The following ABCA5 variants were observed in gnomAD, a reference collection of about 807,000 sequenced individuals.
ABCA5 encodes cholesterol transporter ABCA5.
ABCA5 carries 163 observed loss-of-function variants against 206.0 expected under a neutral mutation model. The ratio of observed to expected loss-of-function variants is 0.79; its 90% confidence interval spans 0.70 to 0.90. The LOEUF (loss-of-function observed/expected upper bound fraction) is 0.90. ABCA5 is among the 40% of genes least tolerant of loss of function. ABCA5 has a pLI of 0.00. For missense variants in ABCA5, 1,859 were observed against 1,912.9 expected (o/e 0.97, Z 0.53); for synonymous variants, 609 against 613.8 (o/e 0.99, Z 0.11).
intron 28 of ABCA5, among the ~76,000 whole-genome samples, chr17:69,258,695 A>T (rs536774887): frequency 6.6e-6 from 1 of 151,932 alleles, no homozygotes; most frequent in African/African-American, 2.4e-5. Flanking sequence ...AATCTAAAAT[A>T]TTTTTTTTAA....
At position 69,271,173 on chromosome 17, in the gene ABCA5, G is replaced by C. The variant is rs539979750; in HGVS notation, c.2881C>G (p.His961Asp). ...TGCATTCATCTTACCTTTTCTGAAT[G>C]CATCACATTTAAAGCCGCACTATGG... The part of the protein sequence containing the change: ...APHSAALNVM[H>D]SEKDYVFAAV... The change falls in exon 21 of 39, where the codon CAT (histidine) becomes GAT (aspartate). Residue 961 changes from histidine to aspartate, a missense_variant. By Grantham distance (81) the His-to-Asp change is moderately conservative. Transcript: ENST00000392676. 6.2e-7 allele frequency: 1 copy of C among 1,611,174 alleles called. No individual in the cohort carries two copies. Among genetic ancestry groups the C allele is most frequent in the South Asian group, 1.1e-5 (1 of 90,310 alleles).
intron 18 of ABCA5, among the ~76,000 whole-genome samples, chr17:69,280,979 G>A (rs994480636): frequency 1.1e-4 from 17 of 151,616 alleles, no homozygotes; most frequent in African/African-American, 3.6e-4. Flanking sequence ...ACATGTATAT[G>A]TATGTAACTA....
Position 69,291,198 on chromosome 17 carries a change from T to A in ABCA5, c.1606+18A>T, listed in dbSNP as rs1567770452. 6.6e-7 allele frequency: 1 copy of A among 1,520,912 alleles called. No individual in the cohort carries two copies. The highest frequency in any genetic ancestry group is 8.9e-7 in the Non-Finnish European group (1 of 1,123,502). 94.2% of individuals were successfully genotyped at this position (1,520,912 alleles called of 1,614,324 possible). ...TATATATAATGAAGTTTTTTTTTCTTTAAGACAGAAAACTCACCATCAGAA... is the reference window on the plus strand; with the variant it reads ...TATATATAATGAAGTTTTTTTTTCTATAAGACAGAAAACTCACCATCAGAA... On this transcript the variant is annotated intron_variant, in intron 12 of 38. Coordinates refer to ENST00000392676, the MANE Select transcript of ABCA5 (RefSeq NM_172232.4).
chr17:69,252,089 G>C (rs2075021181), intron 34 of ABCA5, among the ~76,000 whole-genome samples: 1 of 150,066 alleles, frequency 6.7e-6, no homozygotes, highest in African/African-American at 2.4e-5. Flanking sequence ...TCGGCTCACT[G>C]CAAGCTCCAC....
intron 1 of ABCA5, among the ~76,000 whole-genome samples, chr17:69,316,662 T>C (rs1598209514): frequency 6.9e-6 from 1 of 145,978 alleles, no homozygotes. Context: ...TATAAACACA[T>C]AAGTTTCAAG....
chr17:69,289,041 A>G, intron 14 of ABCA5, 136 bp downstream of exon 14: 1 of 839,298 alleles, frequency 1.2e-6, no homozygotes, highest in Non-Finnish European at 1.7e-6. Context: ...TCTCATTACT[A>G]TGATTATATC....
chr17:69,255,423 C>T lies in ABCA5; in HGVS notation c.4068+120G>A. On this transcript the variant is annotated intron_variant, in intron 31 of 38. Transcript: ENST00000392676. Reference sequence around the variant, plus strand: ...AAGATCATAATTTGATCAGGCTGTACAAAAAATTCTAAAAATATACATAAA... The same window carrying T: ...AAGATCATAATTTGATCAGGCTGTATAAAAAATTCTAAAAATATACATAAA... 5 of 600,452 alleles carry T rather than the reference C, an allele frequency of 8.3e-6. No individual in the cohort carries two copies. The East Asian group carries it at 1.6e-4, about 20-fold the overall frequency. 37.2% of individuals were successfully genotyped at this position (600,452 alleles called of 1,614,324 possible). A position where few individuals can be genotyped will look rare whatever the true frequency, so the allele number is the denominator to read the frequency against.
At chr17:69,250,298 A>G (rs1280340521) in intron 36 of ABCA5, among the ~76,000 whole-genome samples, 174 bp downstream of exon 36, 1 of 151,892 alleles carries the variant, frequency 6.6e-6, no homozygotes, top group Non-Finnish European at 1.5e-5. Flanking sequence ...TTATCTATCT[A>G]CAGATACATA....
At chr17:69,271,960 A>G (rs1191129510) in intron 20 of ABCA5, among the ~76,000 whole-genome samples, 3 of 152,222 alleles carry the variant, frequency 2.0e-5, no homozygotes, top group Non-Finnish European at 2.9e-5. Flanking sequence ...CGGGATTTAA[A>G]TCTATACCAA....
intron 24 of ABCA5, among the ~76,000 whole-genome samples, chr17:69,263,611 T>G (rs1265736143): frequency 6.6e-6 from 1 of 152,036 alleles, no homozygotes; most frequent in Non-Finnish European, 1.5e-5. Context: ...ACCAATACCA[T>G]GCTGTTTTGG....
At chr17:69,313,736 C>T (rs945938535) in intron 2 of ABCA5, among the ~76,000 whole-genome samples, 1 of 152,052 alleles carries the variant, frequency 6.6e-6, no homozygotes, top group African/African-American at 2.4e-5. Flanking sequence ...ACTACCAAAA[C>T]CATACTGAAT....
rs755618200 is a variant in ABCA5, at chr17:69,253,918, C to G, written c.4245-49G>C. Reference sequence around the variant, plus strand: ...GAGAATACCATGATATATATAAACACAAATACCAACTGGGTGTGATCCCTG... The same window carrying G: ...GAGAATACCATGATATATATAAACAGAAATACCAACTGGGTGTGATCCCTG... On this transcript the variant is annotated intron_variant, in intron 32 of 38. Coordinates refer to ENST00000392676, the MANE Select transcript of ABCA5 (RefSeq NM_172232.4). The G allele has an allele frequency of 2.8e-6, 4 of 1,430,456 alleles. No individual in the cohort carries two copies. In the East Asian group the frequency reaches 9.1e-5, roughly 33 times the overall value. The allele number at this position is 1,430,456 out of a possible 1,614,324, so 88.6% of individuals were successfully genotyped here.
At chr17:69,252,375 AAT>A (rs2144892074) in intron 34 of ABCA5, among the ~76,000 whole-genome samples, 1 of 152,316 alleles carries the variant, frequency 6.6e-6, no homozygotes, top group East Asian at 1.9e-4. Flanking sequence ...GGAAAAAAAA[AAT>A]CTATGATTTC....
chr17:69,285,780 T>C (rs1313654754), intron 17 of ABCA5, 118 bp downstream of exon 17: 12 of 1,086,310 alleles, frequency 1.1e-5, no homozygotes, highest in African/African-American at 1.6e-5. Context: ...ATATTAACTC[T>C]GGCCACCTGG....
chr17:69,249,563 ACCC>A, intron 37 of ABCA5: 1 of 248,372 alleles, frequency 4.0e-6, no homozygotes, highest in Middle Eastern at 1.3e-3. Context: ...AATTAAGCTG[ACCC>A]TTCTCATAGA....
At chr17:69,285,827 G>A in intron 17 of ABCA5, 71 bp downstream of exon 17, 1 of 1,436,834 alleles carries the variant, frequency 7.0e-7, no homozygotes, top group South Asian at 1.5e-5. Flanking sequence ...GAAACAAAAA[G>A]GAAATCAATG....
intron 23 of ABCA5, 117 bp from the exon 24 acceptor site, chr17:69,265,022 T>C (rs764592662): frequency 7.5e-6 from 5 of 663,674 alleles, no homozygotes; most frequent in Middle Eastern, 4.7e-4. Flanking sequence ...AAAGGTTACA[T>C]TCCAGGCTTA....
At chr17:69,261,867 C>T in intron 24 of ABCA5, 119 bp from the exon 25 acceptor site, 1 of 428,314 alleles carries the variant, frequency 2.3e-6, no homozygotes, top group Non-Finnish European at 4.2e-6. Context: ...ATCATTTAAA[C>T]TGAACACTAC....
intron 9 of ABCA5, 31 bp from the exon 10 acceptor site, chr17:69,297,390 C>A: frequency 6.4e-7 from 1 of 1,562,578 alleles, no homozygotes; most frequent in Non-Finnish European, 8.6e-7. Context: ...AACTGAGTTA[C>A]CATAATTAGT....
Sources: allele counts gnomAD v4.1 joint callset (sites outside exome capture counted in the v4.1 genomes callset), GRCh38; gene constraint gnomAD v4.1.1; transcripts MANE v1.5; gene names NCBI Gene and HGNC (gene_info 2026-07-23, HGNC 2026-07-21).